Variants in CHKA observed in about 807,000 individuals in gnomAD.
CHKA encodes the protein choline kinase alpha, also known as CHETK-alpha.
Under a neutral mutation model 60.1 loss-of-function variants are expected in CHKA, and 34 were observed. The observed-to-expected ratio is 0.57, with a 90% CI of 0.43 to 0.75. The LOEUF (loss-of-function observed/expected upper bound fraction) is 0.75, where lower values mean the gene tolerates loss of function less well. Among genes scored for constraint, CHKA ranks in the 30% least tolerant of loss-of-function variants. The pLI is 0.00. For synonymous variants in CHKA, 217 were observed against 223.1 expected (o/e 0.97, Z 0.24); for missense variants, 563 against 561.3 (o/e 1.00, Z -0.03).
intron 11 of CHKA, among the ~76,000 whole-genome samples, chr11:68,057,395 A>G (rs1856062842): frequency 6.6e-6 from 1 of 151,754 alleles, no homozygotes; most frequent in South Asian, 2.1e-4. Context: ...TCTCGGCTCA[A>G]TGCAAGCTCC....
In CHKA at chr11:68,085,268, G is replaced by T. The variant is rs1429326034; in HGVS notation, c.463-3811C>A. On this transcript the variant is annotated intron_variant, in intron 2 of 11. Transcript: ENST00000265689. ...AGACTGGGTCTCGCTCTGTCTCTCA[G>T]GTTGGAGTGCAGTGGCAGGAATAGG... Among the ~76,000 whole-genome samples the T allele has an allele frequency of 5.3e-5, 8 of 152,266 alleles. No individual in the cohort carries two copies. In the East Asian group the frequency reaches 1.5e-3, roughly 29 times the overall value.
rs187666492 is a variant in CHKA at position 68,055,288 on chromosome 11, G to C, written c.1315-1241C>G. Among the ~76,000 whole-genome samples the C allele has an allele frequency of 8.0e-4, 122 of 152,276 alleles. 1 individual carries two copies. Among genetic ancestry groups the C allele is most frequent in the African/African-American group, 2.6e-3 (109 of 41,564 alleles). On this transcript the variant is annotated intron_variant, in intron 11 of 11. Transcript: ENST00000265689. ...GCCTGTAATCCCAGCTACTCAAGAG[G>C]CTGAGGCAGGAGAATTGCTTGAACC...
At chr11:68,056,114 A>C (rs1856006573) in intron 11 of CHKA, among the ~76,000 whole-genome samples, 1 of 152,182 alleles carries the variant, frequency 6.6e-6, no homozygotes, top group Non-Finnish European at 1.5e-5. Context: ...ATATATCCTA[A>C]ATATGAGTCC....
chr11:68,093,155 A>G (rs973311062), intron 2 of CHKA, among the ~76,000 whole-genome samples: 3 of 152,046 alleles, frequency 2.0e-5, no homozygotes, highest in Non-Finnish European at 4.4e-5. Flanking sequence ...CCACAGGCAC[A>G]TGCCACCACG....
intron 3 of CHKA, among the ~76,000 whole-genome samples, chr11:68,076,437 A>G (rs1856790735): frequency 6.6e-6 from 1 of 152,196 alleles, no homozygotes; most frequent in South Asian, 2.1e-4. Flanking sequence ...CTCCAAGCCC[A>G]ACATCACAGA....
At chr11:68,102,500 G>A (rs918301211) in intron 1 of CHKA, among the ~76,000 whole-genome samples, 22 of 152,266 alleles carry the variant, frequency 1.4e-4, no homozygotes, top group East Asian at 5.8e-4. Flanking sequence ...GATATCGCAC[G>A]CACAAGAATG....
chr11:68,095,733 AAC>A (rs1555011706), intron 2 of CHKA, among the ~76,000 whole-genome samples: 4 of 133,446 alleles, frequency 3.0e-5, no homozygotes, highest in Admixed American at 7.3e-5. Flanking sequence ...AAAAAAAAAA[AAC>A]AACAGGTATC....
intron 3 of CHKA, among the ~76,000 whole-genome samples, chr11:68,079,312 G>C (rs1278413923): frequency 6.6e-6 from 1 of 151,646 alleles, no homozygotes; most frequent in Admixed American, 6.6e-5. Flanking sequence ...GGTGAGGGGT[G>C]CATGGGAAAT....
At chr11:68,116,639 C>T (rs1197153405) in intron 1 of CHKA, among the ~76,000 whole-genome samples, 1 of 151,778 alleles carries the variant, frequency 6.6e-6, no homozygotes, top group Non-Finnish European at 1.5e-5. Context: ...ATCGCTTGAA[C>T]CTGGGAGGCA....
At chr11:68,061,326 G>A (rs190561152) in intron 11 of CHKA, among the ~76,000 whole-genome samples, 413 of 151,712 alleles carry the variant, frequency 2.7e-3, no homozygotes, top group Admixed American at 5.5e-3. Flanking sequence ...GGATGGTCTC[G>A]AACTCCTGAC....
chr11:68,103,350 T>C (rs1027628920), intron 1 of CHKA, among the ~76,000 whole-genome samples: 11 of 151,148 alleles, frequency 7.3e-5, no homozygotes, highest in African/African-American at 2.4e-4. Flanking sequence ...AGCAAGACCC[T>C]GTCTCAGTAA....
intron 1 of CHKA, among the ~76,000 whole-genome samples, chr11:68,107,556 TCTC>T (rs1276751108): frequency 6.6e-6 from 1 of 151,742 alleles, no homozygotes; most frequent in African/African-American, 2.4e-5. Context: ...TCCCAAATTC[TCTC>T]CTCCTTTCCA....
chr11:68,094,090 C>T (rs144499669), intron 2 of CHKA, among the ~76,000 whole-genome samples: 1 of 152,274 alleles, frequency 6.6e-6, no homozygotes, highest in African/African-American at 2.4e-5. Flanking sequence ...AAATGAAAGC[C>T]TCATAAATCA....
chr11:68,098,220 G>A (rs761721357), intron 1 of CHKA, among the ~76,000 whole-genome samples: 2 of 141,318 alleles, frequency 1.4e-5, no homozygotes, highest in Non-Finnish European at 3.0e-5. Context: ...GCAGTGAGCC[G>A]TTATCGCGCC....
chr11:68,063,383 C>T (rs1341642324), intron 10 of CHKA, among the ~76,000 whole-genome samples: 11 of 151,936 alleles, frequency 7.2e-5, no homozygotes. Context: ...GCCTGTAGTC[C>T]CAGTTACTTG....
chr11:68,116,986 C>T (rs966861188), intron 1 of CHKA, among the ~76,000 whole-genome samples: 5 of 152,136 alleles, frequency 3.3e-5, no homozygotes, highest in Admixed American at 6.6e-5. Flanking sequence ...TATCCAGTTC[C>T]GGTGTGCCAG....
At chr11:68,095,708 C>CAAAAAAAAAA (rs55959031) in intron 2 of CHKA, among the ~76,000 whole-genome samples, 1 of 13,132 alleles carries the variant, frequency 7.6e-5, no homozygotes, top group African/African-American at 3.9e-4. Flanking sequence ...GACTCCGTCG[C>CAAAAAAAAAA]AAAAAAAAAA....
intron 2 of CHKA, among the ~76,000 whole-genome samples, chr11:68,084,645 TTTAATA>T (rs1487987590): frequency 1.3e-5 from 2 of 151,798 alleles, no homozygotes; most frequent in African/African-American, 2.4e-5. Context: ...ACACTGGTTA[TTTAATA>T]TTAAGTAATT....
chr11:68,091,200 T>C (rs1565186529), intron 2 of CHKA, among the ~76,000 whole-genome samples: 1 of 152,238 alleles, frequency 6.6e-6, no homozygotes, highest in Non-Finnish European at 1.5e-5. Flanking sequence ...GGCTGAACTA[T>C]TACTTCTCAA....
Sources: allele counts gnomAD v4.1 joint callset (sites outside exome capture counted in the v4.1 genomes callset), GRCh38; gene constraint gnomAD v4.1.1; transcripts MANE v1.5; gene names NCBI Gene and HGNC (gene_info 2026-07-23, HGNC 2026-07-21).